The following KCNH3 variants were observed in gnomAD, a reference collection of about 807,000 sequenced individuals.
The protein encoded by KCNH3 is potassium voltage-gated channel subfamily H member 3, also known as voltage-gated inwardly rectifying potassium channel KCNH3.
KCNH3 carries 36 observed loss-of-function variants against 95.6 expected under a neutral mutation model. The ratio of observed to expected loss-of-function variants is 0.38; its 90% confidence interval spans 0.29 to 0.50. The LOEUF (loss-of-function observed/expected upper bound fraction) is 0.50, where lower values mean the gene tolerates loss of function less well. Ranked by LOEUF, KCNH3 falls within the 20% of genes least tolerant of loss-of-function variation. KCNH3 has a pLI of 0.95. For synonymous variants in KCNH3, 620 were observed against 646.3 expected, an observed-to-expected ratio of 0.96 and a Z score of 0.62; for missense variants, 1,030 against 1,484.1, an observed-to-expected ratio of 0.69 and a Z score of 5.03.
intron 10 of KCNH3, among the ~76,000 whole-genome samples, chr12:49,552,830 C>T (rs1447043133): frequency 2.6e-5 from 4 of 152,188 alleles, no homozygotes; most frequent in Non-Finnish European, 5.9e-5. Context: ...GCACATTCCC[C>T]AGATGATCAC....
At chr12:49,556,551 C>G in intron 13 of KCNH3, 75 bp downstream of exon 13, 1 of 1,051,744 alleles carries the variant, frequency 9.5e-7, no homozygotes. Flanking sequence ...CTGTTGACCT[C>G]TGAGCCTTCA....
intron 7 of KCNH3, 144 bp downstream of exon 7, chr12:49,544,526 T>A (rs1592500588): frequency 1.3e-6 from 1 of 798,380 alleles, no homozygotes; most frequent in East Asian, 2.6e-5. Context: ...CAGGTGTGAG[T>A]GTGACAGCCA....
At chr12:49,543,739 T>G (rs1937954006) in intron 5 of KCNH3, 176 bp from the exon 6 acceptor site, 1 of 1,038,960 alleles carries the variant, frequency 9.6e-7, no homozygotes, top group East Asian at 2.6e-5. Flanking sequence ...TAAAATAGAT[T>G]CCCCCTTTGT....
intron 10 of KCNH3, among the ~76,000 whole-genome samples, chr12:49,553,174 C>T (rs779924606): frequency 1.3e-5 from 2 of 152,056 alleles, no homozygotes; most frequent in Non-Finnish European, 2.9e-5. Flanking sequence ...GTCTCACTGT[C>T]GCCCAGGCTG....
rs753676702 is a variant in KCNH3, at chr12:49,542,758, C to T, written c.498C>T (p.Asn166=). 5.0e-6 allele frequency: 8 copies of T among 1,590,832 alleles called. No individual in the cohort carries two copies. Among genetic ancestry groups the T allele is most frequent in the Non-Finnish European group, 6.8e-6 (8 of 1,169,772 alleles). Residue 166 remains asparagine (N), a synonymous_variant, in exon 4 of 15, where the codon AAC becomes AAT. Transcript: ENST00000257981. ...CACGATCCAAAGGCTTCAATGCCAA[C>T]CGGCGGCGGAGCCGGGCCGTGCTCT... ...GRARSKGFNA[N]RRRSRAVLYH... is the part of the protein sequence containing the mutation.
rs1938554601 is a variant in KCNH3 at position 49,558,242 on chromosome 12, G to A, written c.*289G>A. The A allele has an allele frequency of 1.0e-5, 4 of 393,626 alleles. No individual in the cohort carries two copies. The highest frequency in any genetic ancestry group is 3.7e-5 in the East Asian group (1 of 27,160). The allele number at this position is 393,626 out of a possible 1,614,324, so 24.4% of individuals were successfully genotyped here. ...AAGAGCTTTGCCATCCCCTGCATGT[G>A]CCCCTGCCTCTACCTGTCCCCAAAT... On this transcript the variant is annotated 3_prime_UTR_variant, in exon 15 of 15. Transcript: ENST00000257981.
intron 2 of KCNH3, among the ~76,000 whole-genome samples, chr12:49,541,403 G>A (rs991325784): frequency 6.6e-6 from 1 of 152,150 alleles, no homozygotes; most frequent in Non-Finnish European, 1.5e-5. Context: ...ATTTCGGCAG[G>A]GCAGATCTAC....
In KCNH3 at chr12:49,544,083, C is replaced by G. The variant is rs954822896; in HGVS notation, c.981+11C>G. The G allele has an allele frequency of 6.2e-7, 1 of 1,607,588 alleles. No individual in the cohort carries two copies. The highest frequency in any genetic ancestry group is 8.5e-7 in the Non-Finnish European group (1 of 1,174,942). On this transcript the variant is annotated intron_variant, in intron 6 of 14. Transcript: ENST00000257981. ...TTCAAGGTCAACGTGGTCAGTGTGG[C>G]TGGGCTGGCTGGGTGGGTGGGCTTG...
chr12:49,550,753 C>T (rs1458126487), intron 10 of KCNH3, among the ~76,000 whole-genome samples: 1 of 152,176 alleles, frequency 6.6e-6, no homozygotes. Flanking sequence ...TGAGGCAGAT[C>T]ACAGAGCAGG....
At chr12:49,544,571 G>A (rs1468654494) in intron 7 of KCNH3, among the ~76,000 whole-genome samples, 189 bp downstream of exon 7, 2 of 152,182 alleles carry the variant, frequency 1.3e-5, no homozygotes, top group African/African-American at 4.8e-5. Context: ...CAGCAGCTGG[G>A]CCTTGTGGAG....
chr12:49,558,123 TAGGCTGGATCCCTGGGGC>T lies in KCNH3; in HGVS notation c.*175_*192del, dbSNP rs1414100477. On this transcript the variant is annotated 3_prime_UTR_variant, in exon 15 of 15. Transcript: ENST00000257981. ...CCTGGCTCCTGACTCTCAGAGAGGATAGGCTGGATCCCTGGGGCAGGCCTCTCCTCGGCCTGCTCCTCT... is the reference window on the plus strand; with the variant it reads ...CCTGGCTCCTGACTCTCAGAGAGGATAGGCCTCTCCTCGGCCTGCTCCTCT... The T allele has an allele frequency of 1.5e-5, 10 of 670,340 alleles. No homozygotes were observed. The highest frequency in any genetic ancestry group is 2.2e-5 in the Non-Finnish European group (10 of 458,386). 41.5% of individuals were successfully genotyped at this position (670,340 alleles called of 1,614,324 possible). A position where few individuals can be genotyped will look rare whatever the true frequency, so the allele number is the denominator to read the frequency against.
chr12:49,546,652 C>T (rs1048915040), intron 7 of KCNH3, among the ~76,000 whole-genome samples: 2 of 152,186 alleles, frequency 1.3e-5, no homozygotes, highest in Non-Finnish European at 2.9e-5. Context: ...GGTGTGCGAG[C>T]CCCCAGCCTC....
chr12:49,539,819 G>A lies in KCNH3; in HGVS notation c.76+327G>A, dbSNP rs1937809595. On this transcript the variant is annotated intron_variant, in intron 1 of 14. Coordinates refer to ENST00000257981, the MANE Select transcript of KCNH3 (RefSeq NM_012284.3). The surrounding 1 kb of genome is among the most constrained non-coding windows in gnomAD (Gnocchi z 6.7). ...CACCCCTGCGTCTGGCGCTGTCGCA[G>A]CAACTACCCTCGGACTGGTGGGGTA... Among the ~76,000 whole-genome samples the A allele has an allele frequency of 6.6e-6, 1 of 152,238 alleles. No individual in the cohort carries two copies. The highest frequency in any genetic ancestry group is 6.5e-5 in the Admixed American group (1 of 15,286).
intron 10 of KCNH3, among the ~76,000 whole-genome samples, chr12:49,552,776 A>G (rs923791523): frequency 6.6e-6 from 1 of 152,280 alleles, no homozygotes; most frequent in African/African-American, 2.4e-5. Context: ...TGAAGACAAG[A>G]AGCACGTGCT....
rs753102134 is a variant in KCNH3, at chr12:49,556,793, G to A, written c.2575+317G>A. On this transcript the variant is annotated intron_variant, in intron 13 of 14. Transcript: ENST00000257981. ...GATGTTTACGTTATATAATGTAACTGAAAGCCTTAGCCCAATCTCTGGCTA... is the reference window on the plus strand; with the variant it reads ...GATGTTTACGTTATATAATGTAACTAAAAGCCTTAGCCCAATCTCTGGCTA... 4.0e-5 allele frequency: 26 copies of A among 652,898 alleles called. 1 individual carries two copies. The highest frequency in any genetic ancestry group is 3.9e-4 in the South Asian group (26 of 66,342). 40.4% of individuals were successfully genotyped at this position (652,898 alleles called of 1,614,324 possible). A position where few individuals can be genotyped will look rare whatever the true frequency, so the allele number is the denominator to read the frequency against.
intron 9 of KCNH3, 107 bp from the exon 10 acceptor site, chr12:49,549,973 T>C: frequency 8.1e-7 from 1 of 1,229,796 alleles, no homozygotes; most frequent in Non-Finnish European, 1.1e-6. Flanking sequence ...GTCCCTCCCA[T>C]GCCTCCCCTG....
chr12:49,557,481 G>A lies in KCNH3; in HGVS notation c.2780G>A (p.Cys927Tyr), dbSNP rs1938513654. Residue 927 changes from cysteine to tyrosine, a missense_variant, in exon 15 of 15, where the codon TGC becomes TAC. By Grantham distance (194) the Cys-to-Tyr change is radical (BLOSUM62 -2). This residue lies in a region of KCNH3 where 464 missense variants were observed against 493.2 expected (regional missense o/e 0.94). Coordinates refer to ENST00000257981, the MANE Select transcript of KCNH3 (RefSeq NM_012284.3). ...PCPRASGEGPCPASTSGLLQP... is the reference protein window; with the variant it reads ...PCPRASGEGPYPASTSGLLQP... ...CCTCGGGCATCGGGAGAGGGGCCGT[G>A]CCCAGCCAGCACCTCCGGGCTTCTG... is the stretch of plus-strand genomic sequence containing the variant. 1.2e-6 allele frequency: 2 copies of A among 1,611,358 alleles called. No homozygotes were observed. Among genetic ancestry groups the A allele is most frequent in the Non-Finnish European group, 1.7e-6 (2 of 1,179,652 alleles).
chr12:49,544,817 G>A (rs1304189735), intron 7 of KCNH3, among the ~76,000 whole-genome samples: 1 of 150,200 alleles, frequency 6.7e-6, no homozygotes, highest in African/African-American at 2.5e-5. Context: ...CATTTCTTCT[G>A]TCATCTCTAG....
In KCNH3 at chr12:49,543,920, G is replaced by T. The variant is rs768962980; in HGVS notation, c.829G>T (p.Val277Leu). 6 of 1,607,900 alleles carry T rather than the reference G, an allele frequency of 3.7e-6. No individual in the cohort carries two copies. Among genetic ancestry groups the T allele is most frequent in the South Asian group, 1.1e-5 (1 of 90,876 alleles). The change falls in exon 6 of 15, where the codon GTG becomes TTG. Residue 277 changes from valine (V) to leucine (L), a missense_variant. By Grantham distance (32) the Val-to-Leu change is conservative. Coordinates refer to ENST00000257981, the MANE Select transcript of KCNH3 (RefSeq NM_012284.3). ...CCCACCCGGATTCCCCACAGACATTGTGCTGAATTTCCGTACCACATTCGT... is the reference window on the plus strand; with the variant it reads ...CCCACCCGGATTCCCCACAGACATTTTGCTGAATTTCCGTACCACATTCGT... ...AVEVLFILDIVLNFRTTFVSK... is the reference protein window; with the variant it reads ...AVEVLFILDILLNFRTTFVSK...
Sources: allele counts gnomAD v4.1 joint callset (sites outside exome capture counted in the v4.1 genomes callset), GRCh38; gene constraint gnomAD v4.1.1; regional missense constraint gnomAD v4.1.1; non-coding constraint Gnocchi (gnomAD v3.1); transcripts MANE v1.5; gene names NCBI Gene and HGNC (gene_info 2026-07-23, HGNC 2026-07-21).